DRGX: variants seen among roughly 807,000 people sequenced by gnomAD.
DRGX encodes dorsal root ganglia homeobox, also known as dorsal root ganglia homeobox protein.
A neutral mutation model predicts 28.6 loss-of-function variants in DRGX; 21 were observed. The ratio of observed to expected loss-of-function variants is 0.73; its 90% CI spans 0.52 to 1.06. The LOEUF is 1.06. Ranked by LOEUF, DRGX falls within the 50% of genes least tolerant of loss-of-function variation. The probability of loss-of-function intolerance (pLI) is 0.00; values close to 1 mark genes in which losing one functional copy is unlikely to be tolerated. For missense variants in DRGX, 354 were observed against 343.9 expected (o/e 1.03, Z -0.23); for synonymous variants, 136 against 139.1 (o/e 0.98, Z 0.16).
intron 2 of DRGX, among the ~76,000 whole-genome samples, chr10:49,395,136 G>A (rs1849951751): frequency 1.3e-5 from 2 of 152,356 alleles, no homozygotes; most frequent in South Asian, 4.1e-4. Context: ...ATCTGTGCTG[G>A]GAGGATTCGG....
intron 6 of DRGX, among the ~76,000 whole-genome samples, chr10:49,380,760 A>C (rs1250469673): frequency 3.9e-5 from 6 of 152,212 alleles, no homozygotes; most frequent in Non-Finnish European, 7.3e-5. Context: ...AGTTCAGAGA[A>C]ATGGGAGAGG....
intron 6 of DRGX, among the ~76,000 whole-genome samples, chr10:49,381,233 C>A (rs1349952759): frequency 1.3e-5 from 2 of 152,208 alleles, no homozygotes; most frequent in Admixed American, 6.5e-5. Context: ...TGCCTCACGG[C>A]CTGATGGGGG....
At chr10:49,390,718 G>A (rs1849893621) in intron 3 of DRGX, among the ~76,000 whole-genome samples, 1 of 152,166 alleles carries the variant, frequency 6.6e-6, no homozygotes, top group Non-Finnish European at 1.5e-5. Context: ...AGGGGAAAAA[G>A]CCCAGCTCTG....
intron 6 of DRGX, among the ~76,000 whole-genome samples, chr10:49,377,939 A>T (rs750268762): frequency 1.3e-5 from 2 of 152,224 alleles, no homozygotes; most frequent in Non-Finnish European, 2.9e-5. Context: ...TCTCCTCATG[A>T]TCATAGCTTC....
intron 6 of DRGX, among the ~76,000 whole-genome samples, chr10:49,378,109 A>G (rs923214580): frequency 6.6e-6 from 1 of 152,212 alleles, no homozygotes; most frequent in Non-Finnish European, 1.5e-5. Flanking sequence ...AGAAAGAAAA[A>G]AAATCATGCA....
intron 6 of DRGX, among the ~76,000 whole-genome samples, chr10:49,375,563 C>A (rs946128878): frequency 7.2e-5 from 11 of 152,196 alleles, no homozygotes; most frequent in African/African-American, 2.7e-4. Context: ...CTAAATCCCA[C>A]CCGTCCCTTA....
intron 6 of DRGX, among the ~76,000 whole-genome samples, chr10:49,382,336 T>C (rs1188477388): frequency 1.3e-5 from 2 of 152,058 alleles, no homozygotes; most frequent in Non-Finnish European, 2.9e-5. Context: ...TAAAAAGAGC[T>C]CAGTCAGGTG....
intron 2 of DRGX, among the ~76,000 whole-genome samples, chr10:49,392,800 AT>A (rs1265982968): frequency 6.6e-6 from 1 of 152,262 alleles, no homozygotes; most frequent in African/African-American, 2.4e-5. Flanking sequence ...TTACTTAAAA[AT>A]AAGTAGAATA....
chr10:49,367,513 G>A (rs144645930), intron 6 of DRGX, among the ~76,000 whole-genome samples: 1 of 152,182 alleles, frequency 6.6e-6, no homozygotes, highest in African/African-American at 2.4e-5. Context: ...TGAATGAACA[G>A]AACTGTTAAC....
intron 2 of DRGX, among the ~76,000 whole-genome samples, chr10:49,394,310 C>G (rs1305318611): frequency 6.6e-6 from 1 of 152,180 alleles, no homozygotes; most frequent in Non-Finnish European, 1.5e-5. Flanking sequence ...GAGGCTCAGC[C>G]ACTGCTCAGG....
intron 2 of DRGX, among the ~76,000 whole-genome samples, 158 bp downstream of exon 2, chr10:49,395,249 G>C (rs1447975096): frequency 6.6e-6 from 1 of 152,108 alleles, no homozygotes; most frequent in Non-Finnish European, 1.5e-5. Flanking sequence ...GGCCTGGAGT[G>C]GGGTGTAGGG....
At position 49,365,729 on chromosome 10, in the gene DRGX, T is replaced by G. The variant is rs1216170276; in HGVS notation, c.*387A>C. ...TTTCTTTTCATGAAACTTCAGCCCA[T>G]GCCACAGTTCCTGGGGTTGACAAGA... On this transcript the variant is annotated 3_prime_UTR_variant, in exon 7 of 7. Coordinates refer to ENST00000374139, the MANE Select transcript of DRGX (RefSeq NM_001276451.2). 1 of 168,050 alleles carries G rather than the reference T, an allele frequency of 6.0e-6. No homozygotes were observed. The highest frequency in any genetic ancestry group is 2.4e-5 in the African/African-American group (1 of 41,822). 10.4% of individuals were successfully genotyped at this position (168,050 alleles called of 1,614,324 possible).
At chr10:49,373,548 C>A (rs1849682602) in intron 6 of DRGX, among the ~76,000 whole-genome samples, 1 of 152,148 alleles carries the variant, frequency 6.6e-6, no homozygotes, top group South Asian at 2.1e-4. Flanking sequence ...ACAGATCTCT[C>A]AGGGACTAAT....
At chr10:49,381,366 G>A (rs1042216262) in intron 6 of DRGX, among the ~76,000 whole-genome samples, 7 of 152,176 alleles carry the variant, frequency 4.6e-5, no homozygotes, top group Non-Finnish European at 7.4e-5. Context: ...TCCCAAAAAC[G>A]GCTGCCATCT....
At chr10:49,384,500 A>G (rs1208746973) in intron 6 of DRGX, among the ~76,000 whole-genome samples, 1 of 152,182 alleles carries the variant, frequency 6.6e-6, no homozygotes, top group African/African-American at 2.4e-5. Context: ...AGCAACAGAG[A>G]AAAGTCCATC....
chr10:49,369,654 A>G (rs989915081), intron 6 of DRGX, among the ~76,000 whole-genome samples: 2 of 152,220 alleles, frequency 1.3e-5, no homozygotes, highest in African/African-American at 4.8e-5. Context: ...TGAAGAGTTC[A>G]GGAGATTGGC....
Position 49,372,441 on chromosome 10 carries a change from G to A in DRGX, c.527-6060C>T, listed in dbSNP as rs139218699. Among the ~76,000 whole-genome samples the A allele has an allele frequency of 3.9e-3, 589 of 152,246 alleles. 2 individuals are homozygous for A. Among genetic ancestry groups the A allele is most frequent in the African/African-American group, 0.013 (550 of 41,536 alleles). ...CCTGACCCCACTGTTAACCAGACAC[G>A]GGACCCGCCTTCATCCACTCAAGCT... On this transcript the variant is annotated intron_variant, in intron 6 of 6. Coordinates refer to ENST00000374139, the MANE Select transcript of DRGX (RefSeq NM_001276451.2).
At chr10:49,385,045 A>G (rs17009999) in intron 6 of DRGX, among the ~76,000 whole-genome samples, 5,308 of 152,188 alleles carry the variant, frequency 0.035, 239 homozygotes, top group African/African-American at 0.1. Flanking sequence ...CCCACATCCC[A>G]CTGGTAATCT....
chr10:49,379,811 C>T (rs752822482), intron 6 of DRGX, among the ~76,000 whole-genome samples: 6 of 152,208 alleles, frequency 3.9e-5, no homozygotes, highest in Non-Finnish European at 8.8e-5. Context: ...CTGCACCACG[C>T]GGGGCACTTG....
Sources: allele counts gnomAD v4.1 joint callset (sites outside exome capture counted in the v4.1 genomes callset), GRCh38; gene constraint gnomAD v4.1.1; transcripts MANE v1.5; gene names NCBI Gene and HGNC (gene_info 2026-07-23, HGNC 2026-07-21).